Variants in GRM3 observed in about 807,000 individuals in gnomAD.
GRM3 encodes the protein glutamate metabotropic receptor 3.
A neutral mutation model predicts 70.5 loss-of-function variants in GRM3; 26 were observed. That is an observed-to-expected ratio of 0.37 (90% CI 0.27 to 0.51). The LOEUF (loss-of-function observed/expected upper bound fraction) is 0.51. Ranked by LOEUF, GRM3 falls within the 20% of genes least tolerant of loss-of-function variation. The pLI, the probability that GRM3 is intolerant of heterozygous loss-of-function variation, is 0.93. For synonymous variants in GRM3, 443 were observed against 434.9 expected, an observed-to-expected ratio of 1.02 and a Z score of -0.23; for missense variants, 859 against 1,123.8, an observed-to-expected ratio of 0.76 and a Z score of 3.37.
Position 86,765,320 on chromosome 7 carries a change from C to T in GRM3, c.175C>T (p.Arg59Ter), listed in dbSNP as rs759326103. ...EKGTGTEECG[R>*]INEDRGIQRL... is the part of the protein sequence containing the mutation. ...AGGCACTGGAACTGAAGAATGTGGG[C>T]GAATCAATGAAGACCGAGGGATTCA... Residue 59 changes from arginine (R) to a stop codon, truncating the protein, a stop_gained, in exon 2 of 6, where the codon CGA becomes TGA. Transcript: ENST00000361669. LOFTEE classifies it high-confidence loss of function. The T allele has an allele frequency of 2.5e-6, 4 of 1,613,710 alleles. No individual in the cohort carries two copies. The highest frequency in any genetic ancestry group is 2.5e-6 in the Non-Finnish European group (3 of 1,179,828).
At chr7:86,754,155 A>G (rs1446718853) in intron 1 of GRM3, among the ~76,000 whole-genome samples, 1 of 152,142 alleles carries the variant, frequency 6.6e-6, no homozygotes, top group East Asian at 1.9e-4. Context: ...ATCTCATAGT[A>G]TCTGATATAC....
chr7:86,709,132 G>A (rs776444895), intron 1 of GRM3, among the ~76,000 whole-genome samples: 22 of 152,082 alleles, frequency 1.4e-4, no homozygotes, highest in Non-Finnish European at 2.9e-4. Context: ...CATTTAAGTA[G>A]CAATGAAGGC....
At chr7:86,739,811 A>T (rs1795945921) in intron 1 of GRM3, among the ~76,000 whole-genome samples, 1 of 152,210 alleles carries the variant, frequency 6.6e-6, no homozygotes, top group Non-Finnish European at 1.5e-5. Context: ...GACAGGAAAG[A>T]AAGATTATCT....
At chr7:86,652,407 T>C (rs571725133) in intron 1 of GRM3, among the ~76,000 whole-genome samples, 1 of 152,304 alleles carries the variant, frequency 6.6e-6, no homozygotes, top group South Asian at 2.1e-4. Flanking sequence ...CTCGGCTCAC[T>C]GCAACTTCCG....
At chr7:86,823,439 AT>A (rs1156287645) in intron 3 of GRM3, among the ~76,000 whole-genome samples, 2 of 152,132 alleles carry the variant, frequency 1.3e-5, no homozygotes, top group Non-Finnish European at 2.9e-5. Context: ...CAAACTTGAA[AT>A]TTGAATGCTG....
chr7:86,739,648 C>T (rs1795941421), intron 1 of GRM3, among the ~76,000 whole-genome samples: 1 of 152,188 alleles, frequency 6.6e-6, no homozygotes, highest in South Asian at 2.1e-4. Context: ...TAATTAGAAA[C>T]TCTCTGGGTG....
chr7:86,814,116 C>T lies in GRM3; in HGVS notation c.1325-24723C>T, dbSNP rs377535228. On this transcript the variant is annotated intron_variant, in intron 3 of 5. Transcript: ENST00000361669. ...GACACCGATTCTTCATAAGCCTATG[C>T]CTTAGAGTTAGCACCCCCAATTTAA... Among the ~76,000 whole-genome samples the T allele has an allele frequency of 3.3e-5, 5 of 151,914 alleles. No individual in the cohort carries two copies. In the South Asian group the frequency reaches 1.0e-3, roughly 31 times the overall value.
chr7:86,772,321 C>A (rs892910940), intron 2 of GRM3, among the ~76,000 whole-genome samples: 3 of 152,032 alleles, frequency 2.0e-5, no homozygotes, highest in African/African-American at 7.2e-5. Flanking sequence ...AACCATCACC[C>A]ACCTATTCTA....
intron 2 of GRM3, among the ~76,000 whole-genome samples, chr7:86,771,858 A>G (rs750130155): frequency 2.0e-5 from 3 of 152,136 alleles, no homozygotes; most frequent in Non-Finnish European, 4.4e-5. Context: ...GCCTTCCTGG[A>G]AAGTTGCTTT....
Position 86,786,495 on chromosome 7 carries a change from C to A in GRM3, c.703C>A (p.Arg235Ser). 6.2e-7 allele frequency: 1 copy of A among 1,614,226 alleles called. No homozygotes were observed. ...GATCGAGGCCTTCGAGCAGGAAGCC[C>A]GCCTGCGCAACATCTGCATCGCTAC... ...TGIEAFEQEARLRNICIATAE... is the reference protein window; with the variant it reads ...TGIEAFEQEASLRNICIATAE... The change falls in exon 3 of 6, where the codon CGC (arginine) becomes AGC (serine). Residue 235 changes from arginine to serine, a missense_variant. By Grantham distance (110) the Arg-to-Ser change is moderately radical. Coordinates refer to ENST00000361669, the MANE Select transcript of GRM3 (RefSeq NM_000840.3). This position sits in a 1 kb window ranked among gnomAD's most constrained non-coding sequence, Gnocchi z 6.0.
At chr7:86,852,159 C>T (rs1434674403) in intron 5 of GRM3, among the ~76,000 whole-genome samples, 1 of 152,138 alleles carries the variant, frequency 6.6e-6, no homozygotes, top group Non-Finnish European at 1.5e-5. Context: ...CGTGCAGCCT[C>T]TTCCAGACAG....
At chr7:86,741,097 A>T (rs183227299) in intron 1 of GRM3, among the ~76,000 whole-genome samples, 2 of 152,132 alleles carry the variant, frequency 1.3e-5, no homozygotes, top group Non-Finnish European at 2.9e-5. Flanking sequence ...CCCAGACCTT[A>T]TGAAAGCATG....
chr7:86,832,948 G>A, intron 3 of GRM3: 2 of 904,256 alleles, frequency 2.2e-6, no homozygotes, highest in Non-Finnish European at 2.6e-6. Flanking sequence ...TGAAATTAGA[G>A]TTTGGAGAAG....
At chr7:86,711,577 C>T (rs540053892) in intron 1 of GRM3, among the ~76,000 whole-genome samples, 2 of 152,204 alleles carry the variant, frequency 1.3e-5, no homozygotes, top group South Asian at 4.1e-4. Flanking sequence ...CTTTTAGCTG[C>T]CAAATATACT....
chr7:86,752,985 A>G (rs150421842), intron 1 of GRM3, among the ~76,000 whole-genome samples: 2,495 of 152,142 alleles, frequency 0.016, 34 homozygotes, highest in Middle Eastern at 0.048. Flanking sequence ...ATCACTTTCC[A>G]TCTTCTCCTG....
At chr7:86,686,742 C>T (rs976278567) in intron 1 of GRM3, among the ~76,000 whole-genome samples, 1 of 152,042 alleles carries the variant, frequency 6.6e-6, no homozygotes, top group Admixed American at 6.5e-5. Context: ...TCAAAACATA[C>T]AAGGCTTGCT....
intron 4 of GRM3, among the ~76,000 whole-genome samples, chr7:86,845,393 C>G (rs1334724549): frequency 2.0e-5 from 3 of 152,102 alleles, no homozygotes; most frequent in African/African-American, 4.8e-5. Context: ...TTAAATATTG[C>G]ATTATTGTCT....
At chr7:86,694,518 AAAAAAAAAAAG>A (rs1407074041) in intron 1 of GRM3, among the ~76,000 whole-genome samples, 1 of 145,016 alleles carries the variant, frequency 6.9e-6, no homozygotes, top group Admixed American at 6.9e-5. Flanking sequence ...TCTCAAAAAA[AAAAAAAAAAAG>A]AAAAGAAAGA....
intron 1 of GRM3, among the ~76,000 whole-genome samples, chr7:86,763,743 G>A (rs372275073): frequency 6.6e-6 from 1 of 152,100 alleles, no homozygotes; most frequent in African/African-American, 2.4e-5. Context: ...GGATAGGGGA[G>A]GCAGCCACCA....
Sources: gnomAD v4.1 joint callset for allele counts (sites outside exome capture counted in the v4.1 genomes callset) on GRCh38, gnomAD v4.1.1 for gene constraint, Gnocchi (gnomAD v3.1) non-coding constraint, MANE v1.5 for transcripts, NCBI Gene and HGNC (gene_info 2026-07-23, HGNC 2026-07-21) for gene names.